DCC: variants seen among roughly 807,000 people sequenced by gnomAD.
The protein encoded by DCC is DCC netrin 1 receptor.
DCC carries 58 observed loss-of-function variants against 172.5 expected under a neutral mutation model. The ratio of observed to expected loss-of-function variants is 0.34; its 90% confidence interval spans 0.27 to 0.42. The LOEUF is 0.42. Among genes scored for constraint, DCC ranks in the 10% least tolerant of loss-of-function variants. The pLI, the probability that DCC is intolerant of heterozygous loss-of-function variation, is 1.00. For missense variants in DCC, 1,740 were observed against 1,791.0 expected, an observed-to-expected ratio of 0.97 and a Z score of 0.51; for synonymous variants, 709 against 644.5, an observed-to-expected ratio of 1.10 and a Z score of -1.52.
intron 1 of DCC, among the ~76,000 whole-genome samples, chr18:52,430,455 C>G (rs1025909): frequency 1.3e-5 from 2 of 151,916 alleles, no homozygotes; most frequent in Admixed American, 1.3e-4. Context: ...AAGTGTGACT[C>G]GGAGGTTCTT....
intron 18 of DCC, 59 bp from the exon 19 acceptor site, chr18:53,402,727 A>T: frequency 1.8e-6 from 2 of 1,126,030 alleles, no homozygotes; most frequent in Non-Finnish European, 2.7e-6. Flanking sequence ...GAAATTTCCA[A>T]CAATGTTTAT....
intron 2 of DCC, among the ~76,000 whole-genome samples, chr18:52,764,681 G>C (rs183030439): frequency 3.8e-4 from 58 of 152,276 alleles, no homozygotes; most frequent in African/African-American, 1.4e-3. Flanking sequence ...CATGTTTCTT[G>C]CACAGCTTTC....
In DCC at chr18:52,340,864, A is replaced by G. The variant is rs568806828; in HGVS notation, c.77A>G (p.His26Arg). 1 of 1,613,666 alleles carries G rather than the reference A, an allele frequency of 6.2e-7. No individual in the cohort carries two copies. The highest frequency in any genetic ancestry group is 1.1e-5 in the South Asian group (1 of 91,072). ...TTCGGAGCTTCCTTGTTCAGCGCGC[A>G]TCTTCAAGTAACCGGTAAGTGGCTC... ...VLFGASLFSA[H>R]LQVTGFQIKA... The change falls in exon 1 of 29, where the codon CAT becomes CGT. Residue 26 changes from histidine to arginine, a missense_variant. Coordinates refer to ENST00000442544, the MANE Select transcript of DCC (RefSeq NM_005215.4).
At chr18:53,038,723 T>A (rs1419218063) in intron 5 of DCC, among the ~76,000 whole-genome samples, 2 of 152,034 alleles carry the variant, frequency 1.3e-5, no homozygotes, top group African/African-American at 4.8e-5. Flanking sequence ...AGCCACTAAG[T>A]GGCAGGAGCA....
intron 7 of DCC, among the ~76,000 whole-genome samples, chr18:53,091,648 T>C (rs2043010774): frequency 6.6e-6 from 1 of 151,552 alleles, no homozygotes; most frequent in Non-Finnish European, 1.5e-5. Flanking sequence ...TGGGATCTCT[T>C]TTATAAGAGC....
At chr18:53,356,603 G>A (rs1414342257) in intron 15 of DCC, among the ~76,000 whole-genome samples, 1 of 152,132 alleles carries the variant, frequency 6.6e-6, no homozygotes, top group Non-Finnish European at 1.5e-5. Flanking sequence ...CATCTGGCCG[G>A]ATGGAGTCCT....
rs145200822 is a variant in DCC, at chr18:52,393,937, A to C, written c.91+53059A>C. Among the ~76,000 whole-genome samples, 336 of 152,124 alleles carry C rather than the reference A, an allele frequency of 2.2e-3. 2 individuals are homozygous for C. The highest frequency in any genetic ancestry group is 7.7e-3 in the African/African-American group (319 of 41,502). ...TTTGCAATTTTGTGTTGTTTCCTAAATGCGTATTTTAATTCTCAATTCATA... is the reference window on the plus strand; with the variant it reads ...TTTGCAATTTTGTGTTGTTTCCTAACTGCGTATTTTAATTCTCAATTCATA... On this transcript the variant is annotated intron_variant, in intron 1 of 28. Coordinates refer to ENST00000442544, the MANE Select transcript of DCC (RefSeq NM_005215.4).
intron 8 of DCC, among the ~76,000 whole-genome samples, chr18:53,175,126 AC>A (rs1407907376): frequency 2.6e-5 from 4 of 152,100 alleles, no homozygotes; most frequent in Admixed American, 6.6e-5. Context: ...AAATTCAAGA[AC>A]CCTTCATGCT....
intron 1 of DCC, among the ~76,000 whole-genome samples, chr18:52,377,841 G>T (rs1000612466): frequency 3.3e-5 from 5 of 151,630 alleles, no homozygotes; most frequent in Non-Finnish European, 7.4e-5. Flanking sequence ...TGAGTTGCTG[G>T]GATTACATGC....
At chr18:53,031,310 G>C (rs2042022699) in intron 5 of DCC, among the ~76,000 whole-genome samples, 1 of 152,084 alleles carries the variant, frequency 6.6e-6, no homozygotes, top group Non-Finnish European at 1.5e-5. Flanking sequence ...TTAGAATCTT[G>C]ATAAAATTAT....
At chr18:52,696,159 G>C (rs1001947126) in intron 1 of DCC, among the ~76,000 whole-genome samples, 1 of 152,112 alleles carries the variant, frequency 6.6e-6, no homozygotes, top group South Asian at 2.1e-4. Flanking sequence ...AATGAATATG[G>C]TCTTTAAGAT....
intron 1 of DCC, among the ~76,000 whole-genome samples, chr18:52,641,521 AAAAC>A (rs1174497094): frequency 4.6e-5 from 7 of 152,322 alleles, no homozygotes; most frequent in Admixed American, 1.3e-4. Context: ...CTGTAAGAAA[AAAAC>A]AAACAATCTC....
rs758350624 is a variant in DCC, at chr18:53,339,951, G to T, written c.2359+44G>T. ...TTTTATTCTATTAAGGGGAATTAAT[G>T]ATTTATTTTGAATTATTGTATTTCT... is the stretch of plus-strand genomic sequence containing the variant. On this transcript the variant is annotated intron_variant, in intron 15 of 28. Transcript: ENST00000442544. 1.5e-5 allele frequency: 23 copies of T among 1,526,128 alleles called. 1 individual carries two copies. In the Admixed American group the frequency reaches 3.8e-4, roughly 25 times the overall value. 94.5% of individuals were successfully genotyped at this position (1,526,128 alleles called of 1,614,324 possible).
intron 1 of DCC, among the ~76,000 whole-genome samples, chr18:52,499,952 T>C (rs2030955290): frequency 6.6e-6 from 1 of 152,126 alleles, no homozygotes; most frequent in East Asian, 1.9e-4. Context: ...CTATATATCA[T>C]CTCATATGCT....
At chr18:52,676,415 T>G (rs1396104970) in intron 1 of DCC, among the ~76,000 whole-genome samples, 1 of 152,212 alleles carries the variant, frequency 6.6e-6, no homozygotes, top group Admixed American at 6.5e-5. Flanking sequence ...GACAGATTAA[T>G]TATTTATATC....
At chr18:53,124,345 C>G (rs1303603513) in intron 7 of DCC, among the ~76,000 whole-genome samples, 1 of 152,134 alleles carries the variant, frequency 6.6e-6, no homozygotes, top group East Asian at 1.9e-4. Context: ...TGATGAAAAA[C>G]TGTATACATA....
chr18:52,683,821 A>C (rs2035787480), intron 1 of DCC, among the ~76,000 whole-genome samples: 1 of 152,128 alleles, frequency 6.6e-6, no homozygotes, highest in Admixed American at 6.6e-5. Context: ...CTTATGTCTT[A>C]TGTACATGTA....
In DCC at chr18:52,767,410, C is replaced by T. The variant is rs763700126; in HGVS notation, c.412+15036C>T. On this transcript the variant is annotated intron_variant, in intron 2 of 28. Transcript: ENST00000442544. ...GAAGGCATGTAAACTACCTATTGGC[C>T]AGCTACTCCAGGCAGCCTTTAACAT... Among the ~76,000 whole-genome samples, 9 of 152,238 alleles carry T rather than the reference C, an allele frequency of 5.9e-5. No individual in the cohort carries two copies. The South Asian group carries it at 1.9e-3, about 32-fold the overall frequency.
intron 12 of DCC, among the ~76,000 whole-genome samples, chr18:53,277,133 T>C (rs1047424578): frequency 6.6e-6 from 1 of 152,156 alleles, no homozygotes; most frequent in African/African-American, 2.4e-5. Flanking sequence ...CAGGAATACA[T>C]TTTAATTTCT....
Sources: allele counts gnomAD v4.1 joint callset (sites outside exome capture counted in the v4.1 genomes callset), GRCh38; gene constraint gnomAD v4.1.1; transcripts MANE v1.5; gene names NCBI Gene and HGNC (gene_info 2026-07-23, HGNC 2026-07-21).